The following EML6 variants were observed in gnomAD, a reference collection of about 807,000 sequenced individuals.
The protein encoded by EML6 is echinoderm microtubule-associated protein-like 6.
In EML6, 154 loss-of-function variants were observed where a neutral mutation model predicts 240.1. That is an observed-to-expected ratio of 0.64 (90% CI 0.56 to 0.73). EML6 has a LOEUF of 0.73. EML6 is among the 30% of genes least tolerant of loss of function. The pLI is 0.00. For missense variants in EML6, 2,964 were observed against 2,474.6 expected, an observed-to-expected ratio of 1.20 and a Z score of -4.20; for synonymous variants, 1,148 against 899.0, an observed-to-expected ratio of 1.28 and a Z score of -4.95.
At chr2:54,830,138 A>G (rs560941684) in intron 7 of EML6, among the ~76,000 whole-genome samples, 1 of 152,378 alleles carries the variant, frequency 6.6e-6, no homozygotes, top group African/African-American at 2.4e-5. Context: ...TATAGAGTGT[A>G]TATATCAGAA....
intron 28 of EML6, among the ~76,000 whole-genome samples, chr2:54,945,254 C>G (rs539806230): frequency 1.8e-3 from 10 of 5,492 alleles, no homozygotes; most frequent in African/African-American, 6.5e-3. Context: ...CTCTCTCTCT[C>G]CCTCCCCCTT....
chr2:54,960,184 G>A, intron 34 of EML6, 36 bp from the exon 35 acceptor site: 1 of 1,443,544 alleles, frequency 6.9e-7, no homozygotes, highest in East Asian at 2.5e-5. Flanking sequence ...CTTAGGATGA[G>A]GGTTAACAGC....
intron 24 of EML6, 112 bp downstream of exon 24, chr2:54,903,614 C>A: frequency 2.3e-6 from 2 of 867,860 alleles, no homozygotes; most frequent in Non-Finnish European, 1.7e-6. Context: ...AAAGGGGAAT[C>A]CCACAACAAT....
chr2:54,902,772 G>C (rs188011255), intron 22 of EML6, among the ~76,000 whole-genome samples: 4 of 152,066 alleles, frequency 2.6e-5, no homozygotes, highest in Non-Finnish European at 5.9e-5. Flanking sequence ...TTTAACCTAC[G>C]GAATGTGGCC....
rs77796848 is a variant in EML6, at chr2:54,887,493, T to C, written c.2439-3561T>C. Among the ~76,000 whole-genome samples the C allele has an allele frequency of 2.4e-3, 361 of 152,368 alleles. 8 individuals carry two copies. In the East Asian group the frequency reaches 0.037, roughly 15 times the overall value. On this transcript the variant is annotated intron_variant, in intron 17 of 41. Coordinates refer to ENST00000356458, the MANE Select transcript of EML6 (RefSeq NM_001039753.4). The stretch of plus-strand genomic sequence containing the variant: ...CATCCTTTGAATTTGCTGTGGTGTT[T>C]TTCATCAAGCAAAAGGTTTATATTT...
At chr2:54,755,163 G>C (rs1684343392) in intron 2 of EML6, among the ~76,000 whole-genome samples, 1 of 152,172 alleles carries the variant, frequency 6.6e-6, no homozygotes, top group African/African-American at 2.4e-5. Context: ...CATTGAACTA[G>C]TGGCAACCTT....
Position 54,954,126 on chromosome 2 carries a change from C to T in EML6, c.4456C>T (p.His1486Tyr). 6.4e-7 allele frequency: 1 copy of T among 1,551,332 alleles called. No individual in the cohort carries two copies. Among genetic ancestry groups the T allele is most frequent in the Non-Finnish European group, 8.7e-7 (1 of 1,146,818 alleles). The change falls in exon 32 of 42, where the codon CAC becomes TAC. Residue 1486 changes from histidine (H) to tyrosine (Y), a missense_variant. Coordinates refer to ENST00000356458, the MANE Select transcript of EML6 (RefSeq NM_001039753.4). Reference sequence around the variant, plus strand: ...GGTGTCGGTGGGAGTGGACCCTGAGCACACCATCACTGTCTGGCGATGGCA... The same window carrying T: ...GGTGTCGGTGGGAGTGGACCCTGAGTACACCATCACTGTCTGGCGATGGCA... ...LLVSVGVDPE[H>Y]TITVWRWQEG...
intron 40 of EML6, 141 bp downstream of exon 40, chr2:54,968,422 A>C (rs1573233904): frequency 1.1e-6 from 1 of 876,484 alleles, no homozygotes; most frequent in East Asian, 2.7e-5. Flanking sequence ...TGAGTTTTTC[A>C]CCTCCTGGAG....
At chr2:54,802,796 C>A (rs1420361599) in intron 2 of EML6, among the ~76,000 whole-genome samples, 1 of 152,028 alleles carries the variant, frequency 6.6e-6, no homozygotes, top group African/African-American at 2.4e-5. Flanking sequence ...TCCCATTTAC[C>A]CCATTTGGCA....
At chr2:54,931,734 T>C (rs1674875638) in intron 28 of EML6, among the ~76,000 whole-genome samples, 1 of 152,176 alleles carries the variant, frequency 6.6e-6, no homozygotes, top group South Asian at 2.1e-4. Context: ...ACTTGAGGAC[T>C]GAAAGAGATG....
chr2:54,962,761 C>G, intron 36 of EML6, 50 bp downstream of exon 36: 1 of 1,395,746 alleles, frequency 7.2e-7, no homozygotes, highest in Non-Finnish European at 9.4e-7. Flanking sequence ...GGCTGCGCGG[C>G]AGTGGGAGCT....
At chr2:54,875,900 G>C (rs192495897) in intron 16 of EML6, among the ~76,000 whole-genome samples, 1 of 152,124 alleles carries the variant, frequency 6.6e-6, no homozygotes, top group African/African-American at 2.4e-5. Flanking sequence ...TAAAAGCTTC[G>C]TAGAATAATA....
intron 11 of EML6, among the ~76,000 whole-genome samples, chr2:54,857,550 A>G (rs959047577): frequency 1.3e-5 from 2 of 152,220 alleles, no homozygotes; most frequent in Non-Finnish European, 2.9e-5. Context: ...CAGTTAATAT[A>G]CAAGAAAATA....
chr2:54,847,740 G>GGGTTCGT, intron 9 of EML6, 117 bp downstream of exon 9: 4 of 1,027,372 alleles, frequency 3.9e-6, no homozygotes, highest in East Asian at 2.8e-5. Context: ...ATTCAAATAG[G>GGGTTCGT]AATACTATAG....
At chr2:54,821,939 G>A (rs1429904065) in intron 5 of EML6, among the ~76,000 whole-genome samples, 1 of 151,974 alleles carries the variant, frequency 6.6e-6, no homozygotes, top group African/African-American at 2.4e-5. Context: ...GAAATCGTAA[G>A]GAATAATACT....
intron 26 of EML6, among the ~76,000 whole-genome samples, chr2:54,925,378 G>C (rs1213728734): frequency 2.6e-5 from 4 of 152,134 alleles, no homozygotes; most frequent in Non-Finnish European, 4.4e-5. Flanking sequence ...AACCCAAGCA[G>C]ACTAATGTCC....
chr2:54,952,812 G>A (rs896179017), intron 31 of EML6, 120 bp downstream of exon 31: 8 of 674,508 alleles, frequency 1.2e-5, no homozygotes, highest in Non-Finnish European at 1.6e-5. Flanking sequence ...TGATGTTGCT[G>A]TTGATTTTTT....
intron 2 of EML6, among the ~76,000 whole-genome samples, chr2:54,766,065 C>T (rs534594198): frequency 3.7e-4 from 56 of 152,240 alleles, no homozygotes; most frequent in African/African-American, 1.2e-3. Flanking sequence ...TCTTTTCCTT[C>T]ATCTATCCAC....
chr2:54,754,346 T>A (rs1307863706), intron 2 of EML6, among the ~76,000 whole-genome samples: 1 of 152,082 alleles, frequency 6.6e-6, no homozygotes, highest in Non-Finnish European at 1.5e-5. Context: ...TTTGGACACC[T>A]GACTTTCAGA....
Sources: gnomAD v4.1 joint callset for allele counts (sites outside exome capture counted in the v4.1 genomes callset) on GRCh38, gnomAD v4.1.1 for gene constraint, MANE v1.5 for transcripts, NCBI Gene and HGNC (gene_info 2026-07-23, HGNC 2026-07-21) for gene names.